CRAMP1: variants seen among roughly 807,000 people sequenced by gnomAD.
CRAMP1 encodes the protein cramped chromatin regulator 1.
Under a neutral mutation model 115.4 loss-of-function variants are expected in CRAMP1, and 50 were observed. The ratio of observed to expected loss-of-function variants is 0.43; its 90% CI spans 0.35 to 0.55. The LOEUF (loss-of-function observed/expected upper bound fraction) is 0.55, where lower values mean the gene tolerates loss of function less well. CRAMP1 is among the 20% of genes least tolerant of loss of function. The pLI is 0.01. For missense variants in CRAMP1, 1,679 were observed against 1,721.7 expected (o/e 0.98, Z 0.44); for synonymous variants, 866 against 745.4 (o/e 1.16, Z -2.64).
intron 20 of CRAMP1, 108 bp from the exon 21 acceptor site, chr16:1,673,773 C>T (rs910768967): frequency 4.7e-5 from 47 of 1,008,564 alleles, no homozygotes; most frequent in Non-Finnish European, 6.5e-5. Flanking sequence ...AGCTTAGCTT[C>T]CTGCAGCGGG....
intron 13 of CRAMP1, 109 bp downstream of exon 13, chr16:1,662,944 G>C (rs759912433): frequency 6.2e-6 from 5 of 803,598 alleles, no homozygotes; most frequent in African/African-American, 3.5e-5. Context: ...GGAAATTCCT[G>C]CCCCTTCCTT....
chr16:1,635,345 G>T (rs992439458), intron 4 of CRAMP1, among the ~76,000 whole-genome samples: 1 of 152,228 alleles, frequency 6.6e-6, no homozygotes, highest in South Asian at 2.1e-4. Flanking sequence ...GTGTGTGTTC[G>T]TCTTACTAAT....
At position 1,614,930 on chromosome 16, in the gene CRAMP1, T is replaced by C. The variant is rs7201813; in HGVS notation, c.291T>C (p.Asp97=). The C allele has an allele frequency of 0.45, 580,863 of 1,283,574 alleles. 141,713 individuals are homozygous for C. The highest frequency in any genetic ancestry group is 0.85 in the African/African-American group (55,127 of 65,164). 79.5% of individuals were successfully genotyped at this position (1,283,574 alleles called of 1,614,324 possible). Reference sequence around the variant, plus strand: ...CGCAGAGCAAGAGGCCCAGGAAGGATCCTCCGAGCGCTGTGGGGAGCGGCA... The same window carrying C: ...CGCAGAGCAAGAGGCCCAGGAAGGACCCTCCGAGCGCTGTGGGGAGCGGCA... The part of the protein sequence containing the change: ...VRPQSKRPRK[D]PPSAVGSGNA... Residue 97 remains aspartate (D), a synonymous_variant, in exon 2 of 21, where the codon GAT becomes GAC. Coordinates refer to ENST00000397412, the MANE Select transcript of CRAMP1 (RefSeq NM_020825.4). This position sits in a 1 kb window ranked among gnomAD's most constrained non-coding sequence, Gnocchi z 4.4.
At position 1,655,932 on chromosome 16, in the gene CRAMP1, A is replaced by G; in HGVS notation, c.1175A>G (p.Glu392Gly). 1 of 1,613,098 alleles carries G rather than the reference A, an allele frequency of 6.2e-7. No individual in the cohort carries two copies. The highest frequency in any genetic ancestry group is 8.5e-7 in the Non-Finnish European group (1 of 1,179,830). The change falls in exon 10 of 21, where the codon GAG becomes GGG. Residue 392 changes from glutamate (E) to glycine (G), a missense_variant. Physicochemically the swap from Glu to Gly is moderately conservative, Grantham distance 98 (BLOSUM62 -2). Transcript: ENST00000397412. ...GACTCATGCTCCGCACCGATGCAGG[A>G]GAAGGTGACACTGCACTTGTTCCCA... ...LQDSCSAPMQ[E>G]KVTLHLFPGE...
rs2036957451 is a variant in CRAMP1 at position 1,675,223 on chromosome 16, T to C, written c.*1178T>C. The C allele has an allele frequency of 6.6e-6, 1 of 152,300 alleles. No homozygotes were observed. The highest frequency in any genetic ancestry group is 2.1e-4 in the South Asian group (1 of 4,828). The allele number at this position is 152,300 out of a possible 1,614,324, so 9.4% of individuals were successfully genotyped here. A position where few individuals can be genotyped will look rare whatever the true frequency, so the allele number is the denominator to read the frequency against. ...CTACTGCAGACGGCCCAACATCCAG[T>C]CTTTCCCCAGGACAGAGCTAACAAG... On this transcript the variant is annotated 3_prime_UTR_variant, in exon 21 of 21. Transcript: ENST00000397412.
At chr16:1,616,642 C>T (rs995026822) in intron 2 of CRAMP1, among the ~76,000 whole-genome samples, 10 of 152,136 alleles carry the variant, frequency 6.6e-5, no homozygotes, top group African/African-American at 2.4e-4. Flanking sequence ...AGAAGGTTTC[C>T]TGAGCTTGGC....
chr16:1,645,574 C>T (rs193232853), intron 6 of CRAMP1, among the ~76,000 whole-genome samples: 54 of 152,308 alleles, frequency 3.5e-4, no homozygotes, highest in African/African-American at 1.1e-3. Context: ...GCCCACTCAG[C>T]GTTGTGCCTT....
intron 6 of CRAMP1, among the ~76,000 whole-genome samples, chr16:1,649,677 G>A (rs1239692564): frequency 6.6e-6 from 1 of 151,650 alleles, no homozygotes; most frequent in African/African-American, 2.4e-5. Flanking sequence ...TTTTAGTAGA[G>A]ACGGGGTTTC....
Position 1,656,480 on chromosome 16 carries a change from G to C in CRAMP1, c.1723G>C (p.Glu575Gln), listed in dbSNP as rs1416243813. Residue 575 changes from glutamate (E) to glutamine (Q), a missense_variant, in exon 10 of 21, where the codon GAG becomes CAG. This residue lies in a region of CRAMP1 where 405 missense variants were observed against 302.6 expected (regional missense o/e 1.34). Coordinates refer to ENST00000397412, the MANE Select transcript of CRAMP1 (RefSeq NM_020825.4). The surrounding 1 kb of genome is among the most constrained non-coding windows in gnomAD (Gnocchi z 5.6). ...GTCCTGTCAGGACCTCATTGTCCCC[G>C]AGCAGTGCCGCTGTGCGGACACACG... ...LKSCQDLIVP[E>Q]QCRCADTRPG... 1.3e-6 allele frequency: 2 copies of C among 1,578,174 alleles called. No homozygotes were observed. The highest frequency in any genetic ancestry group is 8.6e-7 in the Non-Finnish European group (1 of 1,162,814).
At chr16:1,639,265 C>G (rs745648323) in intron 5 of CRAMP1, among the ~76,000 whole-genome samples, 3 of 151,942 alleles carry the variant, frequency 2.0e-5, no homozygotes, top group Non-Finnish European at 4.4e-5. Context: ...ACAAAATGCA[C>G]AAACAAAGCA....
In CRAMP1 at chr16:1,675,652, C is replaced by T. The variant is rs1023740970; in HGVS notation, c.*1607C>T. The stretch of plus-strand genomic sequence containing the variant: ...CAGCCACTGTAGACCACAGGCAGGC[C>T]GTGTACTGCACCACTGGGAGGACGT... On this transcript the variant is annotated 3_prime_UTR_variant, in exon 21 of 21. Coordinates refer to ENST00000397412, the MANE Select transcript of CRAMP1 (RefSeq NM_020825.4). 6.6e-6 allele frequency: 1 copy of T among 152,312 alleles called. No individual in the cohort carries two copies. The highest frequency in any genetic ancestry group is 2.4e-5 in the African/African-American group (1 of 41,460). The allele number at this position is 152,312 out of a possible 1,614,324, so 9.4% of individuals were successfully genotyped here.
chr16:1,639,820 G>T (rs532966509), intron 5 of CRAMP1, among the ~76,000 whole-genome samples: 1 of 152,232 alleles, frequency 6.6e-6, no homozygotes, highest in Admixed American at 6.5e-5. Context: ...GGTGTGGAAA[G>T]TTGGGGTTTT....
Position 1,625,833 on chromosome 16 carries a change from G to T in CRAMP1, c.347-140G>T. On this transcript the variant is annotated intron_variant, in intron 2 of 20. Coordinates refer to ENST00000397412, the MANE Select transcript of CRAMP1 (RefSeq NM_020825.4). ...GCCTCGCTGGTGCCGTGGGTCCTGGGTGCTGCCTGCCAGCATCCTCGGTTG... is the reference window on the plus strand; with the variant it reads ...GCCTCGCTGGTGCCGTGGGTCCTGGTTGCTGCCTGCCAGCATCCTCGGTTG... 1.7e-5 allele frequency: 13 copies of T among 784,710 alleles called. No individual in the cohort carries two copies. In the South Asian group the frequency reaches 2.0e-4, roughly 12 times the overall value. 48.6% of individuals were successfully genotyped at this position (784,710 alleles called of 1,614,324 possible).
chr16:1,636,595 A>G (rs752421450), intron 4 of CRAMP1, among the ~76,000 whole-genome samples: 1 of 152,178 alleles, frequency 6.6e-6, no homozygotes, highest in Non-Finnish European at 1.5e-5. Context: ...GACAATTGTG[A>G]GAGTAGAGGG....
intron 4 of CRAMP1, 139 bp from the exon 5 acceptor site, chr16:1,637,685 C>A: frequency 2.3e-6 from 1 of 441,076 alleles, no homozygotes; most frequent in Non-Finnish European, 4.1e-6. Context: ...CCCAGTGTCC[C>A]CTGTGGTTGA....
rs745699309 is a variant in CRAMP1, at chr16:1,668,028, C to T, written c.3169C>T (p.Leu1057=). ...TCTCCAGAATGGCCTCTCCATACCG[C>T]TGTCCTCGTCAGAGAGCTCCAGCAC... is the stretch of plus-strand genomic sequence containing the variant. The part of the protein sequence containing the change: ...APLQNGLSIP[L]SSSESSSTRL... Residue 1057 remains leucine, a synonymous_variant, in exon 18 of 21, where the codon CTG becomes TTG. Coordinates refer to ENST00000397412, the MANE Select transcript of CRAMP1 (RefSeq NM_020825.4). The T allele has an allele frequency of 1.2e-6, 2 of 1,613,952 alleles. No individual in the cohort carries two copies. Among genetic ancestry groups the T allele is most frequent in the Non-Finnish European group, 1.7e-6 (2 of 1,179,866 alleles).
At chr16:1,640,944 G>T (rs961351554) in intron 5 of CRAMP1, among the ~76,000 whole-genome samples, 195 bp from the exon 6 acceptor site, 2 of 152,286 alleles carry the variant, frequency 1.3e-5, no homozygotes, top group African/African-American at 4.8e-5. Context: ...GGTGAGCGGG[G>T]GCGACCAGGG....
At chr16:1,652,443 C>A in intron 6 of CRAMP1, 53 bp from the exon 7 acceptor site, 1 of 1,485,550 alleles carries the variant, frequency 6.7e-7, no homozygotes, top group Non-Finnish European at 9.2e-7. Context: ...CTGGCCCTTC[C>A]GTCCTTCTGT....
intron 4 of CRAMP1, 72 bp downstream of exon 4, chr16:1,632,437 A>C (rs1348596473): frequency 6.9e-7 from 1 of 1,448,166 alleles, no homozygotes; most frequent in Non-Finnish European, 9.3e-7. Flanking sequence ...CGCAGCTTCC[A>C]GCAAGCCCGC....
Sources: gnomAD v4.1 joint callset for allele counts (sites outside exome capture counted in the v4.1 genomes callset) on GRCh38, gnomAD v4.1.1 for gene constraint, gnomAD v4.1.1 regional missense constraint, Gnocchi (gnomAD v3.1) non-coding constraint, MANE v1.5 for transcripts, NCBI Gene and HGNC (gene_info 2026-07-23, HGNC 2026-07-21) for gene names.